CCDC86: variants seen among roughly 807,000 people sequenced by gnomAD.
CCDC86 encodes the protein coiled-coil domain containing 86.
A neutral mutation model predicts 36.7 loss-of-function variants in CCDC86; 28 were observed. That is an observed-to-expected ratio of 0.76 (90% CI 0.57 to 1.05). The LOEUF is 1.05. Ranked by LOEUF, CCDC86 falls within the 50% of genes least tolerant of loss-of-function variation. The pLI is 0.00. For missense variants in CCDC86, 453 were observed against 470.2 expected (o/e 0.96, Z 0.34); for synonymous variants, 199 against 203.4 (o/e 0.98, Z 0.18).
At chr11:60,846,099 C>T (rs764612535) in intron 1 of CCDC86, among the ~76,000 whole-genome samples, 1 of 152,106 alleles carries the variant, frequency 6.6e-6, no homozygotes, top group Non-Finnish European at 1.5e-5. Flanking sequence ...CATCACAGAA[C>T]GTTCTGTTTG....
chr11:60,848,906 T>C (rs1679635197), intron 2 of CCDC86, among the ~76,000 whole-genome samples: 1 of 152,192 alleles, frequency 6.6e-6, no homozygotes, highest in Non-Finnish European at 1.5e-5. Context: ...CGCCACCATA[T>C]GCTGAGGCCT....
chr11:60,842,932 G>C, intron 1 of CCDC86, 50 bp downstream of exon 1: 1 of 1,517,292 alleles, frequency 6.6e-7, no homozygotes, highest in Non-Finnish European at 8.8e-7. Flanking sequence ...ATGGTGTTGG[G>C]ACCCCGCCTT....
rs1855209071 is a variant in CCDC86 at position 60,848,016 on chromosome 11, C to T, written c.851C>T (p.Ala284Val). ...GAGAGGAAGCTGGCCAAGGACTTTG[C>T]CCGTCACCTGGAGGAGGAGAAGGAG... ...RQERKLAKDF[A>V]RHLEEEKERR... The change falls in exon 2 of 4, where the codon GCC becomes GTC. Residue 284 changes from alanine (A) to valine (V), a missense_variant. Coordinates refer to ENST00000227520, the MANE Select transcript of CCDC86 (RefSeq NM_024098.4). 1 of 1,613,484 alleles carries T rather than the reference C, an allele frequency of 6.2e-7. No individual in the cohort carries two copies.
At position 60,850,941 on chromosome 11, in the gene CCDC86, A is replaced by G. The variant is rs1235657477; in HGVS notation, c.*616A>G. 6.6e-6 allele frequency: 1 copy of G among 152,366 alleles called. No individual in the cohort carries two copies. Among genetic ancestry groups the G allele is most frequent in the Non-Finnish European group, 1.5e-5 (1 of 68,128 alleles). 9.4% of individuals were successfully genotyped at this position (152,366 alleles called of 1,614,324 possible). ...AATCTAACTCATGCCTGTCCAGTCT[A>G]CAGCAAAAATATTTATTGAGTGCCT... is the stretch of plus-strand genomic sequence containing the variant. On this transcript the variant is annotated 3_prime_UTR_variant, in exon 4 of 4. Transcript: ENST00000227520.
rs1229829427 is a variant in CCDC86, at chr11:60,842,131, A to G, written c.7A>G (p.Thr3Ala). 6.3e-7 allele frequency: 1 copy of G among 1,575,748 alleles called. No homozygotes were observed. Among genetic ancestry groups the G allele is most frequent in the African/African-American group, 1.4e-5 (1 of 72,962 alleles). ...GAAACTTACCGGCTGAGCCATGGAT[A>G]CACCGTTAAGGCGCAGCCGACGGCT... The part of the protein sequence containing the change: MD[T>A]PLRRSRRLGG... The change falls in exon 1 of 4, where the codon ACA (threonine) becomes GCA (alanine). Residue 3 changes from threonine to alanine, a missense_variant. Coordinates refer to ENST00000227520, the MANE Select transcript of CCDC86 (RefSeq NM_024098.4).
chr11:60,850,472 C>T lies in CCDC86; in HGVS notation c.*147C>T. ...CCCACCCCGACCGGGGCTCCTCGGC[C>T]TTTGAAGGCTTCCAGGCAGGTCTGT... On this transcript the variant is annotated 3_prime_UTR_variant, in exon 4 of 4. Coordinates refer to ENST00000227520, the MANE Select transcript of CCDC86 (RefSeq NM_024098.4). 9.8e-7 allele frequency: 1 copy of T among 1,024,590 alleles called. No individual in the cohort carries two copies. The highest frequency in any genetic ancestry group is 1.4e-6 in the Non-Finnish European group (1 of 723,176). 63.5% of individuals were successfully genotyped at this position (1,024,590 alleles called of 1,614,324 possible).
intron 1 of CCDC86, among the ~76,000 whole-genome samples, chr11:60,844,961 C>T (rs971116673): frequency 2.6e-5 from 4 of 152,226 alleles, no homozygotes; most frequent in African/African-American, 9.7e-5. Context: ...AGAACAAGTA[C>T]ACACATGATA....
intron 1 of CCDC86, among the ~76,000 whole-genome samples, chr11:60,843,294 T>C (rs928601796): frequency 6.6e-6 from 1 of 152,236 alleles, no homozygotes; most frequent in South Asian, 2.1e-4. Flanking sequence ...TAAAAAGTAT[T>C]ACTGAGCACT....
At position 60,849,974 on chromosome 11, in the gene CCDC86, G is replaced by T. The variant is rs769571200; in HGVS notation, c.923G>T (p.Arg308Leu). The T allele has an allele frequency of 6.2e-7, 1 of 1,614,182 alleles. No individual in the cohort carries two copies. The highest frequency in any genetic ancestry group is 8.5e-7 in the Non-Finnish European group (1 of 1,180,024). ...CAGCGCCGGGCTGAGAACCTGAAAC[G>T]CCGCCTGGAGAATGAGCGGAAGGCA... ...KKQRRAENLK[R>L]RLENERKAEV... is the part of the protein sequence containing the mutation. The change falls in exon 3 of 4, where the codon CGC becomes CTC. Residue 308 changes from arginine to leucine, a missense_variant. Physicochemically the swap from Arg to Leu is moderately radical, Grantham distance 102. Coordinates refer to ENST00000227520, the MANE Select transcript of CCDC86 (RefSeq NM_024098.4).
In CCDC86 at chr11:60,849,878, G is replaced by A. The variant is rs1590575321; in HGVS notation, c.889-62G>A. On this transcript the variant is annotated intron_variant, in intron 2 of 3. Transcript: ENST00000227520. ...TTCTGCCCGCTCGCACTCTTCTGGG[G>A]CCTGAGAGACCAGGGCTGCCTCTGC... The A allele has an allele frequency of 2.1e-6, 3 of 1,400,380 alleles. No individual in the cohort carries two copies. The South Asian group carries it at 3.6e-5, about 17-fold the overall frequency. The allele number at this position is 1,400,380 out of a possible 1,614,324, so 86.7% of individuals were successfully genotyped here.
chr11:60,850,224 C>T lies in CCDC86; in HGVS notation c.982C>T (p.Leu328Phe), dbSNP rs1269210174. ...CCCCCAGATCCGAAACCCCGCCAAG[C>T]TCAAGCGGGCAAAGAAGAAGCAGCT... is the stretch of plus-strand genomic sequence containing the variant. ...VVQVIRNPAK[L>F]KRAKKKQLRS... The change falls in exon 4 of 4, where the codon CTC (leucine) becomes TTC (phenylalanine). Residue 328 changes from leucine (L) to phenylalanine (F), a missense_variant. By Grantham distance (22) the Leu-to-Phe change is conservative. Transcript: ENST00000227520. 5.6e-6 allele frequency: 9 copies of T among 1,614,108 alleles called. No homozygotes were observed. The highest frequency in any genetic ancestry group is 6.8e-6 in the Non-Finnish European group (8 of 1,180,038).
At chr11:60,848,137 G>C in intron 2 of CCDC86, 84 bp downstream of exon 2, 8 of 1,477,410 alleles carry the variant, frequency 5.4e-6, no homozygotes, top group Non-Finnish European at 7.3e-6. Flanking sequence ...GGGCCTCCAC[G>C]GGTGCCTGGG....
Position 60,850,621 on chromosome 11 carries a change from T to G in CCDC86, c.*296T>G. On this transcript the variant is annotated 3_prime_UTR_variant, in exon 4 of 4. Transcript: ENST00000227520. ...TCAAACCAAGAACTGTACATTCTTC[T>G]GGTTCCTCAGTGAGCTGGTGACTGG... is the stretch of plus-strand genomic sequence containing the variant. 1 of 375,290 alleles carries G rather than the reference T, an allele frequency of 2.7e-6. No homozygotes were observed. Among genetic ancestry groups the G allele is most frequent in the Non-Finnish European group, 4.9e-6 (1 of 206,154 alleles). 23.2% of individuals were successfully genotyped at this position (375,290 alleles called of 1,614,324 possible). A position where few individuals can be genotyped will look rare whatever the true frequency, so the allele number is the denominator to read the frequency against.
chr11:60,846,263 T>C (rs764718611), intron 1 of CCDC86, among the ~76,000 whole-genome samples: 8 of 152,080 alleles, frequency 5.3e-5, no homozygotes, highest in Non-Finnish European at 5.9e-5. Flanking sequence ...CCATTCTTAG[T>C]GCTTAGGAGG....
chr11:60,844,289 GGA>G (rs1197182913), intron 1 of CCDC86, among the ~76,000 whole-genome samples: 2 of 152,204 alleles, frequency 1.3e-5, no homozygotes, highest in Admixed American at 6.5e-5. Flanking sequence ...CAAGAAGTCT[GGA>G]GAGAGGGTGT....
intron 1 of CCDC86, among the ~76,000 whole-genome samples, chr11:60,846,927 T>C (rs1855191895): frequency 6.6e-6 from 1 of 152,052 alleles, no homozygotes; most frequent in South Asian, 2.1e-4. Flanking sequence ...CCTAGACATA[T>C]CATCCCATTC....
At position 60,845,647 on chromosome 11, in the gene CCDC86, G is replaced by T. The variant is rs75273294; in HGVS notation, c.759-2277G>T. ...GAGACCTGGCTGCAGCCCTGTCTTC[G>T]TGCTCATGCCAAACGCCACTTTCTC... is the stretch of plus-strand genomic sequence containing the variant. On this transcript the variant is annotated intron_variant, in intron 1 of 3. Coordinates refer to ENST00000227520, the MANE Select transcript of CCDC86 (RefSeq NM_024098.4). Among the ~76,000 whole-genome samples, 929 of 152,364 alleles carry T rather than the reference G, an allele frequency of 6.1e-3. 6 individuals carry two copies. Among genetic ancestry groups the T allele is most frequent in the Non-Finnish European group, 1.0e-2 (680 of 68,036 alleles).
In CCDC86 at chr11:60,842,890, G is replaced by A. The variant is rs776948950; in HGVS notation, c.758+8G>A. On this transcript the variant is annotated splice_region_variant and intron_variant, in intron 1 of 3. Coordinates refer to ENST00000227520, the MANE Select transcript of CCDC86 (RefSeq NM_024098.4). ...GGACCGCTCCAAGAAAAGGTGAAGT[G>A]GGGGACAGCATGGACAGGGGTGGCG... The A allele has an allele frequency of 4.5e-6, 7 of 1,554,016 alleles. No individual in the cohort carries two copies. Among genetic ancestry groups the A allele is most frequent in the Admixed American group, 1.9e-5 (1 of 52,970 alleles).
At position 60,847,953 on chromosome 11, in the gene CCDC86, T is replaced by G. The variant is rs773711462; in HGVS notation, c.788T>G (p.Leu263Arg). Residue 263 changes from leucine (L) to arginine (R), a missense_variant, in exon 2 of 4, where the codon CTG becomes CGG. Physicochemically the swap from Leu to Arg is moderately radical, Grantham distance 102 (BLOSUM62 -2). Transcript: ENST00000227520. ...TCCCAGATGCTTCAGGACAAGCCCC[T>G]GCGCACATCGTGGCAGCGGAAGATG... is the stretch of plus-strand genomic sequence containing the variant. ...RFSQMLQDKP[L>R]RTSWQRKMKE... 2.5e-6 allele frequency: 4 copies of G among 1,613,004 alleles called. No homozygotes were observed. The highest frequency in any genetic ancestry group is 2.5e-6 in the Non-Finnish European group (3 of 1,179,372).
Sources: gnomAD v4.1 joint callset for allele counts (sites outside exome capture counted in the v4.1 genomes callset) on GRCh38, gnomAD v4.1.1 for gene constraint, MANE v1.5 for transcripts, NCBI Gene and HGNC (gene_info 2026-07-23, HGNC 2026-07-21) for gene names.